GALNT2: variants seen among roughly 807,000 people sequenced by gnomAD.
GALNT2 encodes the protein UDP-GalNAc:polypeptide N-acetylgalactosaminyltransferase 2.
In GALNT2, 31 loss-of-function variants were observed where a neutral mutation model predicts 81.4. That is an observed-to-expected ratio of 0.38 (90% CI 0.29 to 0.51). The LOEUF (loss-of-function observed/expected upper bound fraction) is 0.51, where lower values mean the gene tolerates loss of function less well. GALNT2 is among the 20% of genes least tolerant of loss of function. The probability of loss-of-function intolerance (pLI) is 0.87; values close to 1 mark genes in which losing one functional copy is unlikely to be tolerated. For synonymous variants in GALNT2, 303 were observed against 287.4 expected (o/e 1.05, Z -0.55); for missense variants, 629 against 765.7 (o/e 0.82, Z 2.11).
chr1:230,250,856 C>CA (rs905812254), intron 10 of GALNT2, among the ~76,000 whole-genome samples: 60 of 152,226 alleles, frequency 3.9e-4, no homozygotes, highest in African/African-American at 1.4e-3. Flanking sequence ...TGCAGGCTTG[C>CA]AAAAACAGAG....
upstream of GALNT2, among the ~76,000 whole-genome samples, chr1:230,064,562 C>T (rs373791909): frequency 3.9e-5 from 6 of 152,298 alleles, no homozygotes; most frequent in South Asian, 1.2e-3. Context: ...GCTCTGTCAC[C>T]CAGGCTGGAG....
chr1:230,091,515 C>A (rs1660081013), intron 1 of GALNT2: 1 of 152,180 alleles, frequency 6.6e-6, no homozygotes, highest in African/African-American at 2.4e-5. Context: ...GAATCAATAC[C>A]CTCTCCTTAG....
At chr1:230,114,404 G>A (rs898323297) in intron 1 of GALNT2, among the ~76,000 whole-genome samples, 10 of 152,324 alleles carry the variant, frequency 6.6e-5, no homozygotes, top group Admixed American at 2.0e-4. Flanking sequence ...TTTCACTGGC[G>A]AAATTCAGTG....
At chr1:230,074,316 C>A (rs369196856) in intron 1 of GALNT2, among the ~76,000 whole-genome samples, 1 of 152,124 alleles carries the variant, frequency 6.6e-6, no homozygotes, top group Admixed American at 6.5e-5. Flanking sequence ...TGGGCTCAAG[C>A]GGTCCTCCTG....
At chr1:230,218,400 C>T (rs1664450955) in intron 3 of GALNT2, among the ~76,000 whole-genome samples, 1 of 152,180 alleles carries the variant, frequency 6.6e-6, no homozygotes, top group African/African-American at 2.4e-5. Flanking sequence ...AGCAGCTGCA[C>T]GATCTTGGCG....
At chr1:230,262,699 G>A (rs3811485) in intron 12 of GALNT2, 34 bp downstream of exon 12, 150,405 of 1,458,972 alleles carry the variant, frequency 0.1, 9,662 homozygotes, top group African/African-American at 0.21. Context: ...ACAATTACTG[G>A]GGATTCTTGG....
At chr1:230,277,402 T>C (rs373094573) in intron 15 of GALNT2, among the ~76,000 whole-genome samples, 281 of 152,288 alleles carry the variant, frequency 1.8e-3, no homozygotes, top group African/African-American at 6.4e-3. Context: ...GTCCCTCCAG[T>C]GGCCAGAATC....
chr1:230,071,008 G>A (rs1310515771), intron 1 of GALNT2, among the ~76,000 whole-genome samples: 1 of 152,068 alleles, frequency 6.6e-6, no homozygotes, highest in Non-Finnish European at 1.5e-5. Flanking sequence ...CTTTGCAGTG[G>A]GAGTAATCAT....
chr1:230,113,786 CTG>C (rs1330434532), intron 1 of GALNT2, among the ~76,000 whole-genome samples: 1 of 152,156 alleles, frequency 6.6e-6, no homozygotes, highest in Non-Finnish European at 1.5e-5. Flanking sequence ...GTCATGATCT[CTG>C]TGAAGGTCTT....
At position 230,268,897 on chromosome 1, in the gene GALNT2, C is replaced by T. The variant is rs556974115; in HGVS notation, c.1440+3530C>T. ...CACAGCACAGACCTTTGACACAGAG[C>T]GCCCATTCCTTGCCTCTGCACCAAC... On this transcript the variant is annotated intron_variant, in intron 14 of 15. Coordinates refer to ENST00000366672, the MANE Select transcript of GALNT2 (RefSeq NM_004481.5). 9.2e-4 allele frequency among the ~76,000 whole-genome samples: 140 copies of T among 152,322 alleles called. 1 individual carries two copies. Among genetic ancestry groups the T allele is most frequent in the Middle Eastern group, 6.8e-3 (2 of 294 alleles).
At chr1:230,067,633 C>G (rs555430384) in intron 1 of GALNT2, among the ~76,000 whole-genome samples, 1 of 152,098 alleles carries the variant, frequency 6.6e-6, no homozygotes, top group East Asian at 1.9e-4. Context: ...TTTCTCTGCC[C>G]CCTCTCGTGG....
rs565886519 is a variant in GALNT2, at chr1:230,236,731, A to T, written c.607+6A>T. On this transcript the variant is annotated splice_donor_region_variant and intron_variant, in intron 6 of 15. Coordinates refer to ENST00000366672, the MANE Select transcript of GALNT2 (RefSeq NM_004481.5). ...TAGAAATGATCGACGAGAAGGTAAG[A>T]TTCTTCTTAATTCAGCGCCAAGACA... is the stretch of plus-strand genomic sequence containing the variant. The T allele has an allele frequency of 1.9e-6, 3 of 1,610,984 alleles. 1 individual carries two copies. The highest frequency in any genetic ancestry group is 2.2e-5 in the East Asian group (1 of 44,868).
intron 1 of GALNT2, among the ~76,000 whole-genome samples, chr1:230,088,122 C>G (rs1200762435): frequency 6.6e-6 from 1 of 151,210 alleles, no homozygotes; most frequent in Non-Finnish European, 1.5e-5. Flanking sequence ...GGGGTAAAAA[C>G]CATGTAACAT....
At chr1:230,234,877 A>G (rs1053278801) in intron 3 of GALNT2, among the ~76,000 whole-genome samples, 1 of 152,098 alleles carries the variant, frequency 6.6e-6, no homozygotes, top group Non-Finnish European at 1.5e-5. Context: ...CTAGTATATG[A>G]TACTTTAGCA....
At chr1:230,109,848 AGGAACACTGTTAG>A (rs1660652044) in intron 1 of GALNT2, among the ~76,000 whole-genome samples, 1 of 151,962 alleles carries the variant, frequency 6.6e-6, no homozygotes, top group Non-Finnish European at 1.5e-5. Flanking sequence ...AAAAAAAAGA[AGGAACACTGTTAG>A]GGAGGCAGTC....
rs1362668907 is a variant in GALNT2 at position 230,281,855 on chromosome 1, CTCAGAAT to C, written c.*2400_*2406del. ...CACCCTCCCACTCCTGTTTTTAAAA[CTCAGAAT>C]TCTTTCCTAAGAGCCCTTCGAGCAA... On this transcript the variant is annotated 3_prime_UTR_variant, in exon 16 of 16. Transcript: ENST00000366672. 6.6e-6 allele frequency: 1 copy of C among 152,638 alleles called. No homozygotes were observed. Among genetic ancestry groups the C allele is most frequent in the Non-Finnish European group, 1.5e-5 (1 of 68,044 alleles). The allele number at this position is 152,638 out of a possible 1,614,324, so 9.5% of individuals were successfully genotyped here.
intron 2 of GALNT2, among the ~76,000 whole-genome samples, chr1:230,183,976 CA>C (rs202173898): frequency 2.2e-3 from 295 of 135,158 alleles, no homozygotes; most frequent in Admixed American, 3.8e-3. Flanking sequence ...GACTACAACT[CA>C]AAAAAAAAAA....
At chr1:230,160,146 C>G (rs1261948186) in intron 1 of GALNT2, among the ~76,000 whole-genome samples, 1 of 152,216 alleles carries the variant, frequency 6.6e-6, no homozygotes, top group Non-Finnish European at 1.5e-5. Context: ...GCTTCTCCAA[C>G]CCATTGTCTC....
At chr1:230,096,222 G>C (rs1660251244) in intron 1 of GALNT2, among the ~76,000 whole-genome samples, 3 of 152,202 alleles carry the variant, frequency 2.0e-5, no homozygotes, top group Admixed American at 2.0e-4. Flanking sequence ...TTGAGCCATG[G>C]TGGACAATTT....
Sources: gnomAD v4.1 joint callset for allele counts (sites outside exome capture counted in the v4.1 genomes callset) on GRCh38, gnomAD v4.1.1 for gene constraint, MANE v1.5 for transcripts, NCBI Gene and HGNC (gene_info 2026-07-23, HGNC 2026-07-21) for gene names.